The following LMAN2L variants were observed in gnomAD, a reference collection of about 807,000 sequenced individuals.
LMAN2L encodes VIP36-like protein.
Under a neutral mutation model 44.3 loss-of-function variants are expected in LMAN2L, and 30 were observed. The observed-to-expected ratio is 0.68, with a 90% confidence interval of 0.51 to 0.92. LMAN2L has a LOEUF of 0.92. Ranked by LOEUF, LMAN2L falls within the 40% of genes least tolerant of loss-of-function variation. The pLI is 0.00. For synonymous variants in LMAN2L, 183 were observed against 171.1 expected, an observed-to-expected ratio of 1.07 and a Z score of -0.54; for missense variants, 429 against 446.1, an observed-to-expected ratio of 0.96 and a Z score of 0.35.
rs575987032 is a variant in LMAN2L, at chr2:96,707,047, G to C, written c.*209C>G. 8.0e-5 allele frequency: 37 copies of C among 461,496 alleles called. No individual in the cohort carries two copies. The highest frequency in any genetic ancestry group is 7.3e-4 in the African/African-American group (37 of 50,772). 28.6% of individuals were successfully genotyped at this position (461,496 alleles called of 1,614,324 possible). A position where few individuals can be genotyped will look rare whatever the true frequency, so the allele number is the denominator to read the frequency against. Reference sequence around the variant, plus strand: ...GGCACATCACAGCAGCATTGCCCTGGGGTGGGTGGCTTCCCAGACCAGAGT... The same window carrying C: ...GGCACATCACAGCAGCATTGCCCTGCGGTGGGTGGCTTCCCAGACCAGAGT... On this transcript the variant is annotated 3_prime_UTR_variant, in exon 8 of 8. Coordinates refer to ENST00000264963, the MANE Select transcript of LMAN2L (RefSeq NM_030805.4).
chr2:96,719,744 C>T (rs145915487), intron 4 of LMAN2L, among the ~76,000 whole-genome samples: 22 of 152,252 alleles, frequency 1.4e-4, no homozygotes, highest in African/African-American at 4.1e-4. Context: ...TATAGGCATG[C>T]GCCATATCCC....
chr2:96,708,487 T>C (rs987996093), intron 6 of LMAN2L, among the ~76,000 whole-genome samples: 1 of 152,364 alleles, frequency 6.6e-6, no homozygotes, highest in Middle Eastern at 3.4e-3. Flanking sequence ...AATGAGTTTA[T>C]TGGGACATAA....
At chr2:96,736,421 A>G (rs2078516325) in intron 2 of LMAN2L, among the ~76,000 whole-genome samples, 1 of 152,220 alleles carries the variant, frequency 6.6e-6, no homozygotes, top group Non-Finnish European at 1.5e-5. Context: ...GCCAGATAAC[A>G]GCGAATACAG....
intron 4 of LMAN2L, among the ~76,000 whole-genome samples, chr2:96,716,363 C>T (rs1558951292): frequency 6.6e-6 from 1 of 151,576 alleles, no homozygotes; most frequent in South Asian, 2.1e-4. Context: ...ATGATTCTTG[C>T]ACCAGTGAAA....
intron 4 of LMAN2L, among the ~76,000 whole-genome samples, chr2:96,714,012 T>C (rs552188981): frequency 1.3e-5 from 2 of 152,292 alleles, no homozygotes; most frequent in Admixed American, 6.5e-5. Flanking sequence ...AGCCAGGTAC[T>C]GTTCCAGATG....
At chr2:96,737,217 G>C in intron 2 of LMAN2L, 1 of 445,080 alleles carries the variant, frequency 2.2e-6, no homozygotes, top group South Asian at 1.6e-5. Flanking sequence ...AGACAATGCA[G>C]CTAGAAAAGG....
rs2077798982 is a variant in LMAN2L, at chr2:96,707,099, A to C, written c.*157T>G. 4.5e-6 allele frequency: 3 copies of C among 660,656 alleles called. No individual in the cohort carries two copies. The highest frequency in any genetic ancestry group is 7.4e-6 in the Non-Finnish European group (3 of 407,952). 40.9% of individuals were successfully genotyped at this position (660,656 alleles called of 1,614,324 possible). On this transcript the variant is annotated 3_prime_UTR_variant, in exon 8 of 8. Transcript: ENST00000264963. ...AGATGTCCCCATGCACAACCATGGG[A>C]ATGCGGGGTCCCTGCATTCAAAACT...
chr2:96,730,095 A>C (rs1031926556), intron 4 of LMAN2L, among the ~76,000 whole-genome samples: 1 of 152,166 alleles, frequency 6.6e-6, no homozygotes, highest in Admixed American at 6.5e-5. Flanking sequence ...CATCTACAAA[A>C]TCCTTACAAA....
intron 4 of LMAN2L, among the ~76,000 whole-genome samples, chr2:96,720,312 CTT>C (rs1302216299): frequency 6.6e-6 from 1 of 152,112 alleles, no homozygotes; most frequent in East Asian, 1.9e-4. Context: ...AGGAAGGCCT[CTT>C]CTCATTCATT....
chr2:96,731,029 C>T lies in LMAN2L; in HGVS notation c.507+2490G>A, dbSNP rs1040852589. ...GGCTTTTTTCCCTCTGCATGGGACA[C>T]GGGTTCCTTACTCTGCAGACCTCAA... On this transcript the variant is annotated intron_variant, in intron 4 of 7. Transcript: ENST00000264963. Among the ~76,000 whole-genome samples, 5 of 152,092 alleles carry T rather than the reference C, an allele frequency of 3.3e-5. No individual in the cohort carries two copies. The East Asian group carries it at 5.8e-4, about 18-fold the overall frequency.
intron 6 of LMAN2L, 95 bp from the exon 7 acceptor site, chr2:96,707,928 T>TGTGG: frequency 2.4e-6 from 3 of 1,267,184 alleles, no homozygotes; most frequent in Non-Finnish European, 3.3e-6. Context: ...GATCCACAGC[T>TGTGG]AACCAGCAGT....
rs138634277 is a variant in LMAN2L at position 96,711,975 on chromosome 2, A to G, written c.558T>C (p.Tyr186=). 3.2e-5 allele frequency: 52 copies of G among 1,614,072 alleles called. No homozygotes were observed. Among genetic ancestry groups the G allele is most frequent in the Middle Eastern group, 1.6e-4 (1 of 6,084 alleles). The change falls in exon 5 of 8, where the codon TAT becomes TAC. Residue 186 remains tyrosine (Y), a synonymous_variant. Coordinates refer to ENST00000264963, the MANE Select transcript of LMAN2L (RefSeq NM_030805.4). ...SAMVNNGSLS[Y]DHERDGRPTE... ...TAGGCCGCCCATCCCGCTCATGATC[A>G]TAGCTGAGGGAGCCGTTGTTCACCA...
chr2:96,713,285 G>A (rs754185584), intron 4 of LMAN2L: 3 of 662,296 alleles, frequency 4.5e-6, no homozygotes, highest in Middle Eastern at 2.5e-4. Flanking sequence ...GAATTTTAGG[G>A]TCCCTGAAGG....
At chr2:96,721,921 G>C (rs142793511) in intron 4 of LMAN2L, among the ~76,000 whole-genome samples, 82 of 152,182 alleles carry the variant, frequency 5.4e-4, no homozygotes, top group African/African-American at 1.8e-3. Context: ...GGAGTTGGAG[G>C]GGGGGTGGTT....
intron 4 of LMAN2L, 33 bp from the exon 5 acceptor site, chr2:96,712,058 G>C (rs1196636051): frequency 7.5e-6 from 12 of 1,610,060 alleles, no homozygotes; most frequent in Non-Finnish European, 1.0e-5. Flanking sequence ...CAGACACTAA[G>C]GAAGAGCACA....
intron 1 of LMAN2L, among the ~76,000 whole-genome samples, chr2:96,739,265 T>C (rs562293798): frequency 1.3e-5 from 2 of 152,320 alleles, no homozygotes; most frequent in East Asian, 3.9e-4. Flanking sequence ...TACGCCTTAG[T>C]GGGGAAAGAC....
At chr2:96,736,083 G>GCC (rs1418447501) in intron 2 of LMAN2L, among the ~76,000 whole-genome samples, 16 of 152,274 alleles carry the variant, frequency 1.1e-4, no homozygotes, top group Admixed American at 9.2e-4. Context: ...TAGGTATTAT[G>GCC]CCCCTGGGAA....
intron 4 of LMAN2L, among the ~76,000 whole-genome samples, chr2:96,719,602 T>C (rs2078109196): frequency 6.6e-6 from 1 of 152,058 alleles, no homozygotes; most frequent in Admixed American, 6.6e-5. Flanking sequence ...AAAAAATTTT[T>C]TTTCTTTTTT....
chr2:96,732,720 C>T (rs2153335013), intron 4 of LMAN2L, among the ~76,000 whole-genome samples: 1 of 151,318 alleles, frequency 6.6e-6, no homozygotes, highest in South Asian at 2.1e-4. Flanking sequence ...CTGCCAACAG[C>T]CAGATACTAG....
Sources: gnomAD v4.1 joint callset for allele counts (sites outside exome capture counted in the v4.1 genomes callset) on GRCh38, gnomAD v4.1.1 for gene constraint, MANE v1.5 for transcripts, NCBI Gene and HGNC (gene_info 2026-07-23, HGNC 2026-07-21) for gene names.